Variants in LAMA2 observed in about 807,000 individuals in gnomAD.
LAMA2 encodes the protein laminin subunit alpha-2.
A neutral mutation model predicts 364.8 loss-of-function variants in LAMA2; 269 were observed. The ratio of observed to expected loss-of-function variants is 0.74; its 90% confidence interval spans 0.67 to 0.82. The LOEUF is 0.82. Among genes scored for constraint, LAMA2 ranks in the 40% least tolerant of loss-of-function variants. LAMA2 has a pLI of 0.00. For missense variants in LAMA2, 3,807 were observed against 3,873.2 expected (o/e 0.98, Z 0.45); for synonymous variants, 1,379 against 1,370.6 (o/e 1.01, Z -0.14).
At chr6:129,241,152 T>G (rs1243621277) in intron 12 of LAMA2, among the ~76,000 whole-genome samples, 1 of 152,208 alleles carries the variant, frequency 6.6e-6, no homozygotes, top group African/African-American at 2.4e-5. Context: ...TCCCAGTTTT[T>G]TATGCCTTCT....
At position 129,037,437 on chromosome 6, in the gene LAMA2, T is replaced by C. The variant is rs1489437049; in HGVS notation, c.113-12481T>C. Among the ~76,000 whole-genome samples, 3 of 152,176 alleles carry C rather than the reference T, an allele frequency of 2.0e-5. 1 individual carries two copies. The highest frequency in any genetic ancestry group is 2.0e-4 in the Admixed American group (3 of 15,284). Reference sequence around the variant, plus strand: ...GAAGTGAATTGTTGCATTGACTGAATGGCTTTTCCATAGAAAGACTCCAGC... The same window carrying C: ...GAAGTGAATTGTTGCATTGACTGAACGGCTTTTCCATAGAAAGACTCCAGC... On this transcript the variant is annotated intron_variant, in intron 1 of 64. Transcript: ENST00000421865.
chr6:129,078,951 C>T lies in LAMA2; in HGVS notation c.396+19055C>T, dbSNP rs1052133340. The stretch of plus-strand genomic sequence containing the variant: ...ACATAGTGTCTTCGAGATTCTTCCA[C>T]GTTGTAGCATATATCAGAGTTTCCT... On this transcript the variant is annotated intron_variant, in intron 3 of 64. Transcript: ENST00000421865. Among the ~76,000 whole-genome samples, 8 of 152,162 alleles carry T rather than the reference C, an allele frequency of 5.3e-5. No homozygotes were observed. The South Asian group carries it at 6.2e-4, about 12-fold the overall frequency.
chr6:128,905,595 T>C (rs1777393972), intron 1 of LAMA2: 1 of 151,982 alleles, frequency 6.6e-6, no homozygotes, highest in African/African-American at 2.4e-5. Flanking sequence ...AATTTCTTTT[T>C]TGTTTGTTTT....
chr6:129,366,170 C>T (rs1444536873), intron 32 of LAMA2, 49 bp from the exon 33 acceptor site: 1 of 1,594,080 alleles, frequency 6.3e-7, no homozygotes, highest in Non-Finnish European at 8.6e-7. Flanking sequence ...GAACATCTGC[C>T]TGGGATGTTT....
intron 34 of LAMA2, among the ~76,000 whole-genome samples, chr6:129,374,636 G>A (rs913076188): frequency 3.3e-5 from 5 of 151,170 alleles, no homozygotes; most frequent in African/African-American, 1.2e-4. Flanking sequence ...GGAGTACAAT[G>A]GTGTGAACTC....
chr6:129,029,245 T>C (rs1786053313), intron 1 of LAMA2, among the ~76,000 whole-genome samples: 1 of 151,822 alleles, frequency 6.6e-6, no homozygotes, highest in African/African-American at 2.4e-5. Context: ...TGTGATACCA[T>C]AGTGATCTTA....
rs530700593 is a variant in LAMA2 at position 129,431,225 on chromosome 6, C to A, written c.5968+3371C>A. Among the ~76,000 whole-genome samples, 7 of 152,004 alleles carry A rather than the reference C, an allele frequency of 4.6e-5. No homozygotes were observed. In the South Asian group the frequency reaches 1.5e-3, roughly 32 times the overall value. On this transcript the variant is annotated intron_variant, in intron 41 of 64. Transcript: ENST00000421865. ...ACCAGCATGGCCAGCGTGGTGAAAC[C>A]CTGTCTCTACTAAAAACGCAAAAAT...
chr6:129,466,969 A>G (rs1482930820), intron 51 of LAMA2, among the ~76,000 whole-genome samples: 1 of 151,866 alleles, frequency 6.6e-6, no homozygotes, highest in Non-Finnish European at 1.5e-5. Flanking sequence ...GGAGATATGT[A>G]ACAATTTAGG....
intron 42 of LAMA2, 47 bp downstream of exon 42, chr6:129,438,809 T>G: frequency 1.1e-6 from 1 of 934,072 alleles, no homozygotes; most frequent in Middle Eastern, 2.1e-4. Flanking sequence ...CCTGAAGTTT[T>G]GAAGACTGTT....
intron 37 of LAMA2, among the ~76,000 whole-genome samples, chr6:129,394,164 A>G (rs1216134616): frequency 6.6e-6 from 1 of 152,214 alleles, no homozygotes; most frequent in Non-Finnish European, 1.5e-5. Flanking sequence ...TATTTAAACA[A>G]CAACAACTTT....
intron 12 of LAMA2, among the ~76,000 whole-genome samples, chr6:129,217,799 C>T (rs2115087406): frequency 6.6e-6 from 1 of 152,218 alleles, no homozygotes; most frequent in East Asian, 1.9e-4. Context: ...GATAGTCATT[C>T]ATAGACAAAG....
At position 129,322,893 on chromosome 6, in the gene LAMA2, A is replaced by T. The variant is rs146598172; in HGVS notation, c.4176+2238A>T. 3.9e-3 allele frequency among the ~76,000 whole-genome samples: 588 copies of T among 152,332 alleles called. 5 individuals are homozygous for T. The highest frequency in any genetic ancestry group is 0.013 in the African/African-American group (545 of 41,578). ...AATTTGAGTCATTTTCCATCATTAT[A>T]TGAAAATGTAAATGAGCACAAATAA... On this transcript the variant is annotated intron_variant, in intron 28 of 64. Coordinates refer to ENST00000421865, the MANE Select transcript of LAMA2 (RefSeq NM_000426.4).
chr6:129,167,821 A>C (rs1194580552), intron 9 of LAMA2, among the ~76,000 whole-genome samples: 24 of 151,476 alleles, frequency 1.6e-4, no homozygotes, highest in Admixed American at 1.3e-3. Context: ...CCTCTCCAGC[A>C]CCTGTTGTTT....
At chr6:129,387,718 C>T (rs1776566074) in intron 35 of LAMA2, among the ~76,000 whole-genome samples, 1 of 152,086 alleles carries the variant, frequency 6.6e-6, no homozygotes, top group African/African-American at 2.4e-5. Context: ...TACTATGCAG[C>T]CATAAAAAAG....
intron 10 of LAMA2, among the ~76,000 whole-genome samples, chr6:129,186,297 C>T (rs934564806): frequency 5.3e-5 from 8 of 151,618 alleles, no homozygotes; most frequent in Admixed American, 3.9e-4. Context: ...ATAGAAATCT[C>T]ATGATGATTA....
At chr6:129,472,341 T>C (rs1166626368) in intron 51 of LAMA2, among the ~76,000 whole-genome samples, 1 of 151,966 alleles carries the variant, frequency 6.6e-6, no homozygotes, top group Admixed American at 6.6e-5. Flanking sequence ...ACGGGACTGA[T>C]GTCAATACGC....
At chr6:129,291,755 T>A (rs747120796) in intron 20 of LAMA2, 35 bp downstream of exon 20, 4 of 1,396,892 alleles carry the variant, frequency 2.9e-6, no homozygotes, top group Non-Finnish European at 2.0e-6. Context: ...AATTACTTTC[T>A]CCTTACAGAT....
intron 21 of LAMA2, among the ~76,000 whole-genome samples, chr6:129,299,520 A>G (rs1773415408): frequency 6.6e-6 from 1 of 152,146 alleles, no homozygotes; most frequent in Non-Finnish European, 1.5e-5. Flanking sequence ...ATTTAGTGTT[A>G]TGATTCCGCT....
chr6:129,020,552 G>T (rs1237830756), intron 1 of LAMA2, among the ~76,000 whole-genome samples: 2 of 152,126 alleles, frequency 1.3e-5, no homozygotes, highest in African/African-American at 2.4e-5. Flanking sequence ...GTGAGGAGAG[G>T]AACTGCATGG....
Sources: gnomAD v4.1 joint callset for allele counts (sites outside exome capture counted in the v4.1 genomes callset) on GRCh38, gnomAD v4.1.1 for gene constraint, MANE v1.5 for transcripts, NCBI Gene and HGNC (gene_info 2026-07-23, HGNC 2026-07-21) for gene names.